MYPN: variants seen among roughly 807,000 people sequenced by gnomAD.
The protein encoded by MYPN is sarcomeric protein myopalladin, 145 kDa (MYOP).
Under a neutral mutation model 129.4 loss-of-function variants are expected in MYPN, and 63 were observed. The ratio of observed to expected loss-of-function variants is 0.49; its 90% CI spans 0.40 to 0.60. The LOEUF (loss-of-function observed/expected upper bound fraction) is 0.60. MYPN is among the 20% of genes least tolerant of loss of function. The probability of loss-of-function intolerance (pLI) is 0.00; values close to 1 mark genes in which losing one functional copy is unlikely to be tolerated. For synonymous variants in MYPN, 629 were observed against 600.9 expected (o/e 1.05, Z -0.68); for missense variants, 1,596 against 1,635.4 (o/e 0.98, Z 0.42).
chr10:68,116,457 G>A (rs889326559), intron 1 of MYPN, among the ~76,000 whole-genome samples: 5 of 152,198 alleles, frequency 3.3e-5, no homozygotes, highest in Non-Finnish European at 5.9e-5. Context: ...AAGTTATTTA[G>A]TGTTGGAGCT....
Position 68,122,145 on chromosome 10 carries a change from G to A in MYPN, c.707G>A (p.Arg236His), listed in dbSNP as rs764613441. The A allele has an allele frequency of 5.6e-6, 9 of 1,613,220 alleles. No individual in the cohort carries two copies. The highest frequency in any genetic ancestry group is 5.5e-5 in the South Asian group (5 of 91,008). The change falls in exon 2 of 20, where the codon CGT becomes CAT. Residue 236 changes from arginine (R) to histidine (H), a missense_variant. Physicochemically the swap from Arg to His is conservative, Grantham distance 29. Transcript: ENST00000358913. ...HALEQQEAKR[R>H]EAEQAASEAA... ...CTGGAACAGCAGGAAGCCAAGAGGC[G>A]TGAAGCGGAGCAGGCTGCCAGTGAG...
At chr10:68,149,706 T>C (rs1388401534) in intron 5 of MYPN, among the ~76,000 whole-genome samples, 2 of 152,200 alleles carry the variant, frequency 1.3e-5, no homozygotes, top group Admixed American at 6.5e-5. Flanking sequence ...AAGTTTTAGT[T>C]CTAATCCATT....
In MYPN at chr10:68,158,483, T is replaced by C; in HGVS notation, c.1318-3T>C. ...TCTAACTACATTCTTCTTATCATTA[T>C]AGATGCTACAAAATTTGTCAGCTTC... is the stretch of plus-strand genomic sequence containing the variant. On this transcript the variant is annotated splice_polypyrimidine_tract_variant and splice_region_variant and intron_variant, in intron 6 of 19. Transcript: ENST00000358913. 1 of 1,613,620 alleles carries C rather than the reference T, an allele frequency of 6.2e-7. No homozygotes were observed. Among genetic ancestry groups the C allele is most frequent in the Non-Finnish European group, 8.5e-7 (1 of 1,179,550 alleles).
chr10:68,109,720 A>C lies in MYPN; in HGVS notation c.-5A>C. The C allele has an allele frequency of 2.2e-6, 1 of 453,796 alleles. No homozygotes were observed. The highest frequency in any genetic ancestry group is 4.4e-6 in the Non-Finnish European group (1 of 226,610). The allele number at this position is 453,796 out of a possible 1,614,324, so 28.1% of individuals were successfully genotyped here. ...CCTCATCTGGGTCAACTAAAAAAAG[A>C]AAGGTAATATCCAGATTTAAGTTCA... On this transcript the variant is annotated 5_prime_UTR_variant, in exon 1 of 20. Coordinates refer to ENST00000358913, the MANE Select transcript of MYPN (RefSeq NM_032578.4).
At chr10:68,124,497 T>G (rs1337532870) in intron 2 of MYPN, among the ~76,000 whole-genome samples, 1 of 152,196 alleles carries the variant, frequency 6.6e-6, no homozygotes, top group East Asian at 1.9e-4. Flanking sequence ...TATAGGCATA[T>G]TAATTCAAGG....
upstream of MYPN, among the ~76,000 whole-genome samples, chr10:68,104,690 G>T (rs2133949099): frequency 6.6e-6 from 1 of 152,048 alleles, no homozygotes; most frequent in Admixed American, 6.5e-5. Flanking sequence ...ATAATGTCAG[G>T]GTCGGTTTCA....
At chr10:68,114,359 T>TC (rs1341373084) in intron 1 of MYPN, 1 of 151,566 alleles carries the variant, frequency 6.6e-6, no homozygotes, top group East Asian at 1.9e-4. Flanking sequence ...TTTTTTTTTT[T>TC]TTGACGGAGT....
intron 5 of MYPN, among the ~76,000 whole-genome samples, chr10:68,149,375 A>G (rs2042726531): frequency 6.6e-6 from 1 of 152,278 alleles, no homozygotes; most frequent in African/African-American, 2.4e-5. Context: ...ATGTATGCAT[A>G]GACTTTAAAA....
Position 68,121,898 on chromosome 10 carries a change from G to A in MYPN, c.460G>A (p.Ala154Thr). ...GTCCAAAAAAGTATTTTTAAATAAG[G>A]CTGCCGACTTCATTGAAGAGCTATC... is the stretch of plus-strand genomic sequence containing the variant. ...TQSKKVFLNK[A>T]ADFIEELSSL... The change falls in exon 2 of 20, where the codon GCT (alanine) becomes ACT (threonine). Residue 154 changes from alanine to threonine, a missense_variant. Coordinates refer to ENST00000358913, the MANE Select transcript of MYPN (RefSeq NM_032578.4). The A allele has an allele frequency of 1.2e-6, 2 of 1,614,136 alleles. No individual in the cohort carries two copies. Among genetic ancestry groups the A allele is most frequent in the Non-Finnish European group, 1.7e-6 (2 of 1,180,040 alleles).
Position 68,165,836 on chromosome 10 carries a change from C to A in MYPN, c.1600+18C>A. 6.3e-7 allele frequency: 1 copy of A among 1,584,200 alleles called. No individual in the cohort carries two copies. Among genetic ancestry groups the A allele is most frequent in the Non-Finnish European group, 8.7e-7 (1 of 1,152,808 alleles). ...CGTGAGAGGTAAGGACTCTTTAATG[C>A]TAGAACAGTTTAGCCTATGACTTTG... On this transcript the variant is annotated intron_variant, in intron 9 of 19. Transcript: ENST00000358913.
At chr10:68,148,815 A>C (rs2042715713) in intron 5 of MYPN, among the ~76,000 whole-genome samples, 1 of 152,220 alleles carries the variant, frequency 6.6e-6, no homozygotes, top group South Asian at 2.1e-4. Flanking sequence ...ATGGAGCTGC[A>C]GAGAATTCCA....
intron 12 of MYPN, among the ~76,000 whole-genome samples, chr10:68,182,709 C>A (rs766620754): frequency 6.6e-6 from 1 of 151,724 alleles, no homozygotes; most frequent in East Asian, 1.9e-4. Context: ...GGTTTCACCC[C>A]ATTGGACTGG....
chr10:68,158,711 C>T (rs2042923776), intron 7 of MYPN, 84 bp downstream of exon 7: 1 of 1,001,464 alleles, frequency 1.0e-6, no homozygotes, highest in Non-Finnish European at 1.5e-6. Flanking sequence ...TTTTTAACAA[C>T]TAATTAAAAA....
At chr10:68,199,244 G>T in intron 16 of MYPN, 124 bp from the exon 17 acceptor site, 1 of 911,436 alleles carries the variant, frequency 1.1e-6, no homozygotes. Flanking sequence ...CTACAGAGAG[G>T]TTTCTCATCA....
intron 6 of MYPN, among the ~76,000 whole-genome samples, chr10:68,155,846 TGC>T (rs2134124107): frequency 6.6e-6 from 1 of 152,316 alleles, no homozygotes; most frequent in South Asian, 2.1e-4. Context: ...ATTGATGATG[TGC>T]CACACTGGAA....
At position 68,166,339 on chromosome 10, in the gene MYPN, C is replaced by G. The variant is rs370615717; in HGVS notation, c.1646C>G (p.Ser549Cys). ...SNNGSLHSAN[S>C]TTNLAAIEPQ... The stretch of plus-strand genomic sequence containing the variant: ...AACGGGTCTCTTCACTCAGCCAACT[C>G]TACCACCAACCTGGCAGCTATTGAG... Residue 549 changes from serine to cysteine, a missense_variant, in exon 10 of 20, where the codon TCT becomes TGT. Transcript: ENST00000358913. 2 of 1,613,930 alleles carry G rather than the reference C, an allele frequency of 1.2e-6. No individual in the cohort carries two copies. Among genetic ancestry groups the G allele is most frequent in the Non-Finnish European group, 1.7e-6 (2 of 1,179,970 alleles).
chr10:68,183,630 G>A (rs2043374947), intron 12 of MYPN, among the ~76,000 whole-genome samples: 1 of 152,198 alleles, frequency 6.6e-6, no homozygotes, highest in Non-Finnish European at 1.5e-5. Context: ...CAAGAACTCT[G>A]TTAGAATAGG....
chr10:68,091,523 T>C (rs1486886797), intron 1 of MYPN, among the ~76,000 whole-genome samples: 2 of 151,402 alleles, frequency 1.3e-5, no homozygotes, highest in Non-Finnish European at 1.5e-5. Context: ...GCCTCTCGAT[T>C]AGCTAGGGCT....
rs189030677 is a variant in MYPN at position 68,139,436 on chromosome 10, C to T, written c.903-3504C>T. Among the ~76,000 whole-genome samples, 757 of 152,258 alleles carry T rather than the reference C, an allele frequency of 5.0e-3. 3 individuals are homozygous for T. The highest frequency in any genetic ancestry group is 0.017 in the African/African-American group (705 of 41,554). On this transcript the variant is annotated intron_variant, in intron 2 of 19. Coordinates refer to ENST00000358913, the MANE Select transcript of MYPN (RefSeq NM_032578.4). ...GAAGTCTTAGACCTGCTATTGTCTC[C>T]CCTTCCATTCTTTTTGTCTCTATGG... is the stretch of plus-strand genomic sequence containing the variant.
Sources: allele counts gnomAD v4.1 joint callset (sites outside exome capture counted in the v4.1 genomes callset), GRCh38; gene constraint gnomAD v4.1.1; transcripts MANE v1.5; gene names NCBI Gene and HGNC (gene_info 2026-07-23, HGNC 2026-07-21).